The following CLPB variants were observed in gnomAD, a reference collection of about 807,000 sequenced individuals.
CLPB encodes ClpB family mitochondrial disaggregase, also known as mitochondrial disaggregase.
A neutral mutation model predicts 78.4 loss-of-function variants in CLPB; 40 were observed. The observed-to-expected ratio is 0.51, with a 90% confidence interval of 0.40 to 0.66. CLPB has a LOEUF of 0.66. Among genes scored for constraint, CLPB ranks in the 30% least tolerant of loss-of-function variants. The pLI is 0.00. For missense variants in CLPB, 780 were observed against 886.9 expected, an observed-to-expected ratio of 0.88 and a Z score of 1.53; for synonymous variants, 333 against 348.0, an observed-to-expected ratio of 0.96 and a Z score of 0.48.
At chr11:72,408,483 C>G (rs749597832) in intron 2 of CLPB, among the ~76,000 whole-genome samples, 1 of 151,752 alleles carries the variant, frequency 6.6e-6, no homozygotes. Flanking sequence ...CTGGCTGACA[C>G]GGTGAAACCC....
chr11:72,331,418 AT>A (rs1950223949), intron 5 of CLPB, among the ~76,000 whole-genome samples: 1 of 150,852 alleles, frequency 6.6e-6, no homozygotes, highest in African/African-American at 2.4e-5. Flanking sequence ...AAAAAAAAAA[AT>A]TTTAAGAGAC....
intron 7 of CLPB, among the ~76,000 whole-genome samples, chr11:72,316,597 G>A (rs1207114641): frequency 2.0e-5 from 3 of 152,210 alleles, no homozygotes; most frequent in Admixed American, 6.5e-5. Context: ...CATGGGTGGA[G>A]AAGACACTCA....
chr11:72,383,204 A>G (rs551668462), intron 3 of CLPB, among the ~76,000 whole-genome samples: 14 of 151,772 alleles, frequency 9.2e-5, no homozygotes, highest in African/African-American at 2.9e-4. Flanking sequence ...ACACTACACC[A>G]AGACATATTA....
chr11:72,295,634 A>G lies in CLPB; in HGVS notation c.1344T>C (p.Asp448=). Residue 448 remains aspartate, a synonymous_variant, in exon 12 of 16, where the codon GAT becomes GAC. Transcript: ENST00000538039. ...TGCAATCAATGGTCTTCCCTTTTCC[A>G]TCTGTCAGCCGGCCCTGGGAAGGGA... ...LQLFDEGRLT[D]GKGKTIDCKD... The G allele has an allele frequency of 6.2e-7, 1 of 1,613,850 alleles. No homozygotes were observed. The highest frequency in any genetic ancestry group is 1.7e-4 in the Middle Eastern group (1 of 6,060).
intron 4 of CLPB, among the ~76,000 whole-genome samples, chr11:72,362,589 CTG>C (rs1950860394): frequency 1.3e-5 from 2 of 152,152 alleles, no homozygotes; most frequent in African/African-American, 2.4e-5. Context: ...AACTTACTGA[CTG>C]TGTAATCTTG....
At chr11:72,409,090 AG>A (rs1460863918) in intron 2 of CLPB, among the ~76,000 whole-genome samples, 4 of 152,240 alleles carry the variant, frequency 2.6e-5, no homozygotes, top group African/African-American at 9.6e-5. Context: ...TGCTTAATTC[AG>A]GCTGCCACTC....
rs1949415053 is a variant in CLPB, at chr11:72,288,472, G to C, written c.*4895C>G. ...CCACCGCACTCCAGCCTGGGCGACA[G>C]AGCAAGACTCTGTCTCAAAAAACAA... On this transcript the variant is annotated 3_prime_UTR_variant, in exon 16 of 16. Transcript: ENST00000538039. 6.6e-6 allele frequency: 1 copy of C among 152,448 alleles called. No individual in the cohort carries two copies. Among genetic ancestry groups the C allele is most frequent in the Non-Finnish European group, 1.5e-5 (1 of 68,246 alleles). 9.4% of individuals were successfully genotyped at this position (152,448 alleles called of 1,614,324 possible).
At chr11:72,404,674 C>G (rs888161364) in intron 2 of CLPB, among the ~76,000 whole-genome samples, 1 of 152,138 alleles carries the variant, frequency 6.6e-6, no homozygotes, top group Non-Finnish European at 1.5e-5. Context: ...ACTGGCCAAA[C>G]AAAAGCAGGT....
At chr11:72,354,134 T>C in intron 5 of CLPB, 1 of 352,756 alleles carries the variant, frequency 2.8e-6, no homozygotes, top group Admixed American at 4.6e-5. Context: ...AGCTATTAAA[T>C]GGCAGGGCTG....
rs1419502181 is a variant in CLPB, at chr11:72,286,225, T to TTTTTTTTTTTG, written c.*7141_*7142insCAAAAAAAAAA. 8.2e-6 allele frequency: 1 copy of TTTTTTTTTTTG among 122,490 alleles called. No individual in the cohort carries two copies. The highest frequency in any genetic ancestry group is 3.6e-5 in the African/African-American group (1 of 28,064). 7.6% of individuals were successfully genotyped at this position (122,490 alleles called of 1,614,324 possible). ...TACAGGTGTGAGATACTGCACCTGT[T>TTTTTTTTTTTG]TTTTTTTTTTTTTTTTTTTTTAAGA... On this transcript the variant is annotated 3_prime_UTR_variant, in exon 16 of 16. Transcript: ENST00000538039.
chr11:72,301,614 G>A (rs1458307329), intron 11 of CLPB, among the ~76,000 whole-genome samples, 189 bp downstream of exon 11: 1 of 152,186 alleles, frequency 6.6e-6, no homozygotes, highest in African/African-American at 2.4e-5. Flanking sequence ...GCTGGTCTTC[G>A]CTTGAGTGCC....
At chr11:72,431,226 C>T (rs1249863424) in intron 1 of CLPB, among the ~76,000 whole-genome samples, 1 of 152,204 alleles carries the variant, frequency 6.6e-6, no homozygotes, top group Non-Finnish European at 1.5e-5. Context: ...AGGAGAGGCA[C>T]AATCTTTTCA....
intron 8 of CLPB, 25 bp downstream of exon 8, chr11:72,308,502 C>T (rs1949784506): frequency 6.2e-7 from 1 of 1,609,108 alleles, no homozygotes; most frequent in East Asian, 2.2e-5. Flanking sequence ...TCTCTGTCCC[C>T]ACTGGCTGAT....
chr11:72,357,170 G>T (rs1003113832), intron 5 of CLPB: 3 of 152,310 alleles, frequency 2.0e-5, no homozygotes, highest in Admixed American at 6.5e-5. Flanking sequence ...TGTAGGCTTG[G>T]GGATACAGGC....
At chr11:72,331,301 G>C (rs951323393) in intron 5 of CLPB, among the ~76,000 whole-genome samples, 7 of 151,782 alleles carry the variant, frequency 4.6e-5, no homozygotes, top group African/African-American at 1.7e-4. Flanking sequence ...CTACTCAGGA[G>C]GCCGAGGCAG....
At chr11:72,320,003 C>T (rs1039898142) in intron 6 of CLPB, among the ~76,000 whole-genome samples, 2 of 152,214 alleles carry the variant, frequency 1.3e-5, no homozygotes, top group East Asian at 3.8e-4. Context: ...TACCACTGCC[C>T]CAGAGGCGGC....
chr11:72,423,599 C>T (rs1856273962), intron 2 of CLPB, among the ~76,000 whole-genome samples: 1 of 152,200 alleles, frequency 6.6e-6, no homozygotes, highest in Admixed American at 6.5e-5. Context: ...CAGATCTCTA[C>T]CAATCTGTTC....
At chr11:72,383,070 T>C (rs1208653344) in intron 3 of CLPB, among the ~76,000 whole-genome samples, 1 of 151,208 alleles carries the variant, frequency 6.6e-6, no homozygotes, top group Non-Finnish European at 1.5e-5. Flanking sequence ...ATGAATCCAA[T>C]GAAACTGCAA....
intron 5 of CLPB, among the ~76,000 whole-genome samples, chr11:72,352,152 T>G (rs1950626025): frequency 6.6e-6 from 1 of 152,218 alleles, no homozygotes; most frequent in Non-Finnish European, 1.5e-5. Flanking sequence ...CTGTTTGGCT[T>G]GTGACCTGAT....
Sources: gnomAD v4.1 joint callset for allele counts (sites outside exome capture counted in the v4.1 genomes callset) on GRCh38, gnomAD v4.1.1 for gene constraint, MANE v1.5 for transcripts, NCBI Gene and HGNC (gene_info 2026-07-23, HGNC 2026-07-21) for gene names.